The following TMC5 variants were observed in gnomAD, a reference collection of about 807,000 sequenced individuals.
TMC5 encodes the protein transmembrane channel-like protein 5.
Under a neutral mutation model 110.5 loss-of-function variants are expected in TMC5, and 86 were observed. That is an observed-to-expected ratio of 0.78 (90% CI 0.65 to 0.93). TMC5 has a LOEUF of 0.93. Among genes scored for constraint, TMC5 ranks in the 40% least tolerant of loss-of-function variants. TMC5 has a pLI of 0.00. For synonymous variants in TMC5, 455 were observed against 439.5 expected (o/e 1.04, Z -0.44); for missense variants, 1,144 against 1,222.8 (o/e 0.94, Z 0.96).
chr16:19,415,211 T>C (rs960991463), upstream of TMC5, among the ~76,000 whole-genome samples: 6 of 152,240 alleles, frequency 3.9e-5, no homozygotes, highest in Non-Finnish European at 7.3e-5. Flanking sequence ...AAATATGGTA[T>C]AGTTTCTAGA....
intron 18 of TMC5, 71 bp from the exon 19 acceptor site, chr16:19,492,079 T>G (rs1357878022): frequency 8.1e-7 from 1 of 1,232,284 alleles, no homozygotes; most frequent in African/African-American, 1.5e-5. Context: ...CCAGTTCCTT[T>G]GCATCCAGTG....
At chr16:19,486,828 TG>T in intron 15 of TMC5, 116 bp from the exon 16 acceptor site, 1 of 847,852 alleles carries the variant, frequency 1.2e-6, no homozygotes, top group Non-Finnish European at 1.9e-6. Context: ...ATATGGATTT[TG>T]GGGACACACA....
chr16:19,457,567 A>G (rs1034760875), intron 5 of TMC5, among the ~76,000 whole-genome samples: 1 of 151,840 alleles, frequency 6.6e-6, no homozygotes, highest in Non-Finnish European at 1.5e-5. Flanking sequence ...TTATCCATCG[A>G]ATTTTTATGT....
intron 5 of TMC5, among the ~76,000 whole-genome samples, chr16:19,450,714 T>A (rs11866140): frequency 6.6e-6 from 1 of 152,182 alleles, no homozygotes; most frequent in Non-Finnish European, 1.5e-5. Context: ...CTGGAGCACA[T>A]GCCTACACTT....
At chr16:19,494,578 G>A (rs142702561) in intron 20 of TMC5, among the ~76,000 whole-genome samples, 15,477 of 152,202 alleles carry the variant, frequency 0.1, 874 homozygotes, top group African/African-American at 0.16. Context: ...GGAGGCCTAC[G>A]CGGGTGGATC....
At chr16:19,464,253 C>T (rs529815696) in intron 8 of TMC5, among the ~76,000 whole-genome samples, 4 of 151,932 alleles carry the variant, frequency 2.6e-5, no homozygotes, top group South Asian at 2.1e-4. Context: ...GGCAAAACCC[C>T]GTCTCTACAA....
At chr16:19,444,520 A>G (rs1048442462) in intron 4 of TMC5, among the ~76,000 whole-genome samples, 5 of 152,192 alleles carry the variant, frequency 3.3e-5, no homozygotes, top group East Asian at 1.9e-4. Context: ...AGCTCAGTCC[A>G]TGGTGGTTAT....
intron 6 of TMC5, 26 bp from the exon 7 acceptor site, chr16:19,463,254 T>A (rs776175463): frequency 6.4e-7 from 1 of 1,560,806 alleles, no homozygotes; most frequent in South Asian, 1.1e-5. Context: ...TTTGTATCTC[T>A]CATTTTCTCT....
intron 12 of TMC5, among the ~76,000 whole-genome samples, chr16:19,475,133 G>A (rs915654607): frequency 6.6e-6 from 1 of 152,102 alleles, no homozygotes; most frequent in Non-Finnish European, 1.5e-5. Context: ...ATAAGTACAG[G>A]TCTGTAGGCC....
At chr16:19,474,856 C>G (rs1323473999) in intron 12 of TMC5, 1 of 152,320 alleles carries the variant, frequency 6.6e-6, no homozygotes. Flanking sequence ...AATCATCCAG[C>G]GTTCCCCTTA....
chr16:19,490,712 T>C (rs1968865550), intron 18 of TMC5, 144 bp downstream of exon 18: 3 of 39,270 alleles, frequency 7.6e-5, no homozygotes, highest in Non-Finnish European at 2.0e-4. Context: ...GTAGTTTTCT[T>C]TCCTTCCTTC....
intron 9 of TMC5, among the ~76,000 whole-genome samples, 199 bp from the exon 10 acceptor site, chr16:19,469,482 C>T (rs1207175653): frequency 2.6e-5 from 4 of 152,176 alleles, no homozygotes; most frequent in Admixed American, 1.3e-4. Flanking sequence ...TCCAGGGTTG[C>T]AAGCCAGGCC....
Position 19,495,522 on chromosome 16 carries a change from CTA to C in TMC5, c.2931+1158_2931+1159del, listed in dbSNP as rs756173557. On this transcript the variant is annotated intron_variant, in intron 20 of 21. Transcript: ENST00000542583. ...ACATATTTGGATATTTGGGTTGTTT[CTA>C]TGTTTTTAAATACTTAAAACAGTAG... 3.3e-5 allele frequency among the ~76,000 whole-genome samples: 5 copies of C among 152,162 alleles called. No homozygotes were observed. In the East Asian group the frequency reaches 7.7e-4, roughly 24 times the overall value.
intron 18 of TMC5, among the ~76,000 whole-genome samples, 178 bp downstream of exon 18, chr16:19,490,746 C>T (rs1438813276): frequency 7.2e-5 from 5 of 69,920 alleles, no homozygotes; most frequent in Non-Finnish European, 2.2e-4. Context: ...TTCCTTCCTT[C>T]CTTCCTTCCT....
At chr16:19,429,986 G>A (rs541490359) in intron 1 of TMC5, among the ~76,000 whole-genome samples, 13 of 151,624 alleles carry the variant, frequency 8.6e-5, no homozygotes, top group South Asian at 6.3e-4. Flanking sequence ...GAAGTACTGC[G>A]GACTGGGACT....
At chr16:19,446,850 G>A (rs747834578) in intron 4 of TMC5, among the ~76,000 whole-genome samples, 16 of 152,192 alleles carry the variant, frequency 1.1e-4, no homozygotes, top group Admixed American at 2.6e-4. Flanking sequence ...GTAGGGCAAA[G>A]TTTGCAGCCC....
At chr16:19,446,465 T>C (rs952107291) in intron 4 of TMC5, among the ~76,000 whole-genome samples, 4 of 152,258 alleles carry the variant, frequency 2.6e-5, no homozygotes, top group Non-Finnish European at 5.9e-5. Flanking sequence ...GTGGAACGTA[T>C]AACTGCAAGC....
chr16:19,491,783 C>T (rs1389633161), intron 18 of TMC5, among the ~76,000 whole-genome samples: 11 of 152,072 alleles, frequency 7.2e-5, no homozygotes, highest in Admixed American at 4.6e-4. Flanking sequence ...GTGATCCGCC[C>T]GCCTTGGCCT....
chr16:19,440,507 G>A lies in TMC5; in HGVS notation c.469G>A (p.Gly157Ser). 1.9e-6 allele frequency: 3 copies of A among 1,614,126 alleles called. No homozygotes were observed. The highest frequency in any genetic ancestry group is 2.5e-6 in the Non-Finnish European group (3 of 1,180,022). ...AGSRTHPDHF[G>S]SLEPDYPGAQ... is the part of the protein sequence containing the mutation. The stretch of plus-strand genomic sequence containing the variant: ...CTCCAGAACACATCCAGATCATTTT[G>A]GCTCCTTAGAACCGGACTACCCTGG... Residue 157 changes from glycine to serine, a missense_variant, in exon 3 of 22, where the codon GGC becomes AGC. Physicochemically the swap from Gly to Ser is moderately conservative, Grantham distance 56. Transcript: ENST00000542583.
Sources: gnomAD v4.1 joint callset for allele counts (sites outside exome capture counted in the v4.1 genomes callset) on GRCh38, gnomAD v4.1.1 for gene constraint, MANE v1.5 for transcripts, NCBI Gene and HGNC (gene_info 2026-07-23, HGNC 2026-07-21) for gene names.